EVC2: variants seen among roughly 807,000 people sequenced by gnomAD.
EVC2 encodes the protein limbin.
In EVC2, 148 loss-of-function variants were observed where a neutral mutation model predicts 149.3. The ratio of observed to expected loss-of-function variants is 0.99; its 90% confidence interval spans 0.87 to 1.14. The LOEUF is 1.14. Among genes scored for constraint, EVC2 ranks in the 50% most tolerant of loss-of-function variants. The pLI is 0.00. For synonymous variants in EVC2, 776 were observed against 649.9 expected, an observed-to-expected ratio of 1.19 and a Z score of -2.95; for missense variants, 1,854 against 1,627.3, an observed-to-expected ratio of 1.14 and a Z score of -2.40.
intron 21 of EVC2, among the ~76,000 whole-genome samples, chr4:5,555,994 A>G (rs1238174192): frequency 6.6e-6 from 1 of 152,020 alleles, no homozygotes; most frequent in African/African-American, 2.4e-5. Flanking sequence ...CCTGGCCAAC[A>G]TAGTGAAATC....
chr4:5,598,734 T>A (rs143532005), intron 16 of EVC2, among the ~76,000 whole-genome samples: 2 of 152,138 alleles, frequency 1.3e-5, no homozygotes, highest in East Asian at 3.9e-4. Context: ...CTCATTAAAC[T>A]AAAGAGCTTC....
In EVC2 at chr4:5,660,426, T is replaced by G. The variant is rs1037545920; in HGVS notation, c.1145+2681A>C. 1.5e-4 allele frequency among the ~76,000 whole-genome samples: 23 copies of G among 152,232 alleles called. 1 individual carries two copies. The highest frequency in any genetic ancestry group is 1.8e-4 in the Non-Finnish European group (12 of 68,048). ...CTCTTCTCTCAGGCCAGTTAAGTAG[T>G]TGCTCCTGAAAAGGATGAGCCAGAG... On this transcript the variant is annotated intron_variant, in intron 9 of 21. Coordinates refer to ENST00000344408, the MANE Select transcript of EVC2 (RefSeq NM_147127.5).
intron 16 of EVC2, among the ~76,000 whole-genome samples, chr4:5,602,925 G>C (rs894740366): frequency 4.6e-5 from 7 of 152,208 alleles, no homozygotes; most frequent in African/African-American, 1.7e-4. Flanking sequence ...TAAACAGTTA[G>C]AAGCTGTTAA....
downstream of EVC2, among the ~76,000 whole-genome samples, chr4:5,561,239 AATTATAT>A (rs1298180979): frequency 2.6e-5 from 4 of 152,338 alleles, no homozygotes; most frequent in East Asian, 5.8e-4. Context: ...TTACAGATTC[AATTATAT>A]CTACTTGCCC....
chr4:5,624,816 T>C (rs1389419878), intron 13 of EVC2, among the ~76,000 whole-genome samples: 1 of 152,112 alleles, frequency 6.6e-6, no homozygotes, highest in Admixed American at 6.5e-5. Flanking sequence ...CCAAACTTGG[T>C]AGTAAAGAGC....
At position 5,568,512 on chromosome 4, in the gene EVC2, G is replaced by GGT. The variant is rs2108770774; in HGVS notation, c.3487_3488dup (p.Glu1164ProfsTer33). On this transcript the variant is annotated frameshift_variant, in exon 20 of 22. Transcript: ENST00000344408. LOFTEE classifies it high-confidence loss of function. ...CAGCTGCGTGGTCCACATGTCTCTCGGTGGCCGAATCCAGCAGGGCCAGCA... is the reference window on the plus strand; with the variant it reads ...CAGCTGCGTGGTCCACATGTCTCTCGGTGTGGCCGAATCCAGCAGGGCCAGCA... 3 of 1,590,724 alleles carry GGT rather than the reference G, an allele frequency of 1.9e-6. No homozygotes were observed. The highest frequency in any genetic ancestry group is 2.6e-6 in the Non-Finnish European group (3 of 1,174,738).
At chr4:5,601,983 G>A (rs764745177) in intron 16 of EVC2, among the ~76,000 whole-genome samples, 1 of 152,090 alleles carries the variant, frequency 6.6e-6, no homozygotes, top group Non-Finnish European at 1.5e-5. Context: ...ATCAAGAAGA[G>A]GATTAATAAA....
intron 17 of EVC2, among the ~76,000 whole-genome samples, chr4:5,581,307 C>A (rs1239436553): frequency 1.3e-5 from 2 of 152,110 alleles, no homozygotes; most frequent in Admixed American, 6.5e-5. Context: ...CAGAAGAAGA[C>A]ACAAAGATGA....
In EVC2 at chr4:5,640,393, G is replaced by C. The variant is rs1029267611; in HGVS notation, c.1470+121C>G. ...GGATGAATAGATGAATGAGTGGGTG[G>C]TTGGATGGATGATGGGTAGACGGAT... On this transcript the variant is annotated intron_variant, in intron 10 of 21. Transcript: ENST00000344408. This position sits in a 1 kb window ranked among gnomAD's most constrained non-coding sequence, Gnocchi z 4.6. 12 of 1,149,918 alleles carry C rather than the reference G, an allele frequency of 1.0e-5. No homozygotes were observed. The highest frequency in any genetic ancestry group is 1.6e-5 in the Non-Finnish European group (12 of 761,446). The allele number at this position is 1,149,918 out of a possible 1,614,324, so 71.2% of individuals were successfully genotyped here. A position where few individuals can be genotyped will look rare whatever the true frequency, so the allele number is the denominator to read the frequency against.
At chr4:5,663,037 T>G in intron 9 of EVC2, 70 bp downstream of exon 9, 2 of 1,586,094 alleles carry the variant, frequency 1.3e-6, no homozygotes, top group South Asian at 2.2e-5. Flanking sequence ...ACTCAGCATT[T>G]GGCCTTATGT....
intron 1 of EVC2, 99 bp from the exon 2 acceptor site, chr4:5,697,746 CTTTTT>C: frequency 1.2e-6 from 1 of 814,002 alleles, no homozygotes; most frequent in Non-Finnish European, 1.9e-6. Flanking sequence ...AGGACATGCA[CTTTTT>C]TTTTTTTTTT....
intron 16 of EVC2, among the ~76,000 whole-genome samples, chr4:5,604,177 A>T (rs1366613260): frequency 6.6e-6 from 1 of 152,214 alleles, no homozygotes; most frequent in Non-Finnish European, 1.5e-5. Flanking sequence ...AAGGGGTTGA[A>T]AACAACCTAA....
At chr4:5,623,342 T>A (rs557541451) in intron 13 of EVC2, among the ~76,000 whole-genome samples, 36 of 147,538 alleles carry the variant, frequency 2.4e-4, no homozygotes, top group South Asian at 2.3e-3. Flanking sequence ...TTATTTATTT[T>A]TTTTATTTTT....
downstream of EVC2, among the ~76,000 whole-genome samples, chr4:5,559,767 T>C (rs1006153476): frequency 6.6e-6 from 1 of 152,136 alleles, no homozygotes; most frequent in Admixed American, 6.5e-5. This position sits in a 1 kb window ranked among gnomAD's most constrained non-coding sequence, Gnocchi z 5.0. Context: ...TAAATATCCA[T>C]GAGTCTATAC....
At chr4:5,639,825 A>G (rs1717184959) in intron 10 of EVC2, among the ~76,000 whole-genome samples, 1 of 152,134 alleles carries the variant, frequency 6.6e-6, no homozygotes, top group South Asian at 2.1e-4. Context: ...CATTGTGAAC[A>G]TACCTCTATT....
chr4:5,535,625 G>GAGAGAGAGAGAGAT, the EVC2 span, among the ~76,000 whole-genome samples: 2,187 of 150,526 alleles, frequency 0.015, 48 homozygotes, highest in African/African-American at 0.051. The surrounding 1 kb of genome is among the most constrained non-coding windows in gnomAD (Gnocchi z 4.7). Context: ...GAGAGAGAGA[G>GAGAGAGAGAGAGAT]AGAGAGAGAA....
downstream of EVC2, among the ~76,000 whole-genome samples, chr4:5,539,205 T>C (rs1283575241): frequency 2.6e-5 from 4 of 152,206 alleles, no homozygotes; most frequent in Non-Finnish European, 5.9e-5. Flanking sequence ...ACTAGTAGTA[T>C]TCCAATACTT....
At chr4:5,634,479 G>A (rs982544438) in intron 10 of EVC2, among the ~76,000 whole-genome samples, 5 of 152,096 alleles carry the variant, frequency 3.3e-5, no homozygotes, top group East Asian at 3.9e-4. Flanking sequence ...AATGAAATAC[G>A]GGGTAATTTC....
At chr4:5,687,843 AG>A (rs74577026) in intron 5 of EVC2, among the ~76,000 whole-genome samples, 9,728 of 152,220 alleles carry the variant, frequency 0.064, 391 homozygotes, top group East Asian at 0.2. Flanking sequence ...TCCCTTTACC[AG>A]GCAGAGTGTC....
Sources: gnomAD v4.1 joint callset for allele counts (sites outside exome capture counted in the v4.1 genomes callset) on GRCh38, gnomAD v4.1.1 for gene constraint, Gnocchi (gnomAD v3.1) non-coding constraint, MANE v1.5 for transcripts, NCBI Gene and HGNC (gene_info 2026-07-23, HGNC 2026-07-21) for gene names.